The following ZNF469 variants were observed in gnomAD, a reference collection of about 807,000 sequenced individuals.
ZNF469 encodes the protein zinc finger protein 469.
ZNF469 carries 1 observed loss-of-function variant against 1.0 expected under a neutral mutation model. The observed-to-expected ratio is 1.00, with a 90% CI of 0.35 to 4.73. The LOEUF is 4.73. Among genes scored for constraint, ZNF469 ranks in the 30% most tolerant of loss-of-function variants. The pLI, the probability that ZNF469 is intolerant of heterozygous loss-of-function variation, is 0.16. For synonymous variants in ZNF469, 2,703 were observed against 2,363.4 expected, an observed-to-expected ratio of 1.14 and a Z score of -4.17; for missense variants, 6,100 against 5,356.3, an observed-to-expected ratio of 1.14 and a Z score of -4.33.
the ZNF469 span, among the ~76,000 whole-genome samples, chr16:88,348,107 C>T: frequency 6.6e-6 from 1 of 152,372 alleles, no homozygotes; most frequent in South Asian, 2.1e-4. Flanking sequence ...GCTGGCCCAC[C>T]TGCCCCTTCG....
At chr16:88,144,920 G>A in the ZNF469 span, among the ~76,000 whole-genome samples, 1 of 151,502 alleles carries the variant, frequency 6.6e-6, no homozygotes, top group Non-Finnish European at 1.5e-5. Context: ...TGTGATCTCG[G>A]CTCACTGCAA....
chr16:88,220,110 G>A, the ZNF469 span, among the ~76,000 whole-genome samples: 13 of 152,264 alleles, frequency 8.5e-5, no homozygotes, highest in African/African-American at 2.6e-4. Context: ...TTTTCTAGCC[G>A]TTCTCAGTAA....
chr16:88,266,594 G>A, the ZNF469 span, among the ~76,000 whole-genome samples: 62 of 152,366 alleles, frequency 4.1e-4, no homozygotes, highest in South Asian at 2.1e-4. Flanking sequence ...GGTTGGAGAA[G>A]CAGTAGAAGG....
chr16:88,186,440 G>C, the ZNF469 span, among the ~76,000 whole-genome samples: 9 of 152,174 alleles, frequency 5.9e-5, no homozygotes, highest in Admixed American at 5.9e-4. Flanking sequence ...GCGGCCCATC[G>C]TGCGCTGGGG....
Position 88,438,933 on chromosome 16 carries a change from G to T in ZNF469, c.11463G>T (p.Gln3821His). ...GESSTKRKKG[Q>H]VPGPARSESV... is the part of the protein sequence containing the mutation. ...GCAGTACGAAGAGGAAAAAGGGCCA[G>T]GTCCCAGGGCCAGCCAGGAGTGAAA... is the stretch of plus-strand genomic sequence containing the variant. The change falls in exon 3 of 3, where the codon CAG becomes CAT. Residue 3821 changes from glutamine to histidine, a missense_variant. Transcript: ENST00000565624. 4 of 1,550,588 alleles carry T rather than the reference G, an allele frequency of 2.6e-6. No homozygotes were observed. Among genetic ancestry groups the T allele is most frequent in the Non-Finnish European group, 3.5e-6 (4 of 1,146,994 alleles).
In ZNF469 at chr16:88,435,382, C is replaced by G; in HGVS notation, c.7912C>G (p.Leu2638Val). The G allele has an allele frequency of 1.3e-6, 2 of 1,550,394 alleles. No individual in the cohort carries two copies. The highest frequency in any genetic ancestry group is 1.7e-6 in the Non-Finnish European group (2 of 1,146,986). Residue 2638 changes from leucine (L) to valine (V), a missense_variant, in exon 3 of 3, where the codon CTG becomes GTG. Physicochemically the swap from Leu to Val is conservative, Grantham distance 32. Coordinates refer to ENST00000565624, the MANE Select transcript of ZNF469 (RefSeq NM_001367624.2). Reference sequence around the variant, plus strand: ...GAAGTCAAATAAGAAAAGGGGAAAGCTGAGAGGGAGAAGGCTCCGGGAGGA... The same window carrying G: ...GAAGTCAAATAAGAAAAGGGGAAAGGTGAGAGGGAGAAGGCTCCGGGAGGA... ...EGKSNKKRGKLRGRRLREESI... is the reference protein window; with the variant it reads ...EGKSNKKRGKVRGRRLREESI...
the ZNF469 span, among the ~76,000 whole-genome samples, chr16:88,192,720 G>A: frequency 2.0e-5 from 3 of 152,224 alleles, no homozygotes; most frequent in Non-Finnish European, 4.4e-5. Context: ...TAATGGTGGT[G>A]ATGATGGTGT....
At chr16:88,372,062 C>A in the ZNF469 span, among the ~76,000 whole-genome samples, 1 of 4,986 alleles carries the variant, frequency 2.0e-4, no homozygotes, top group African/African-American at 5.7e-4. Context: ...ATGATTACCA[C>A]CATCATCACC....
the ZNF469 span, among the ~76,000 whole-genome samples, chr16:88,354,093 C>G: frequency 6.6e-6 from 1 of 152,202 alleles, no homozygotes; most frequent in African/African-American, 2.4e-5. Flanking sequence ...GGGACAGTTT[C>G]ACAAACAGTG....
At chr16:88,143,522 C>T in the ZNF469 span, among the ~76,000 whole-genome samples, 1 of 152,148 alleles carries the variant, frequency 6.6e-6, no homozygotes, top group African/African-American at 2.4e-5. Flanking sequence ...TCACCCCCAC[C>T]TTCGGGCCTC....
the ZNF469 span, among the ~76,000 whole-genome samples, chr16:88,247,297 ATGAGTGAG>A: frequency 5.9e-3 from 877 of 147,760 alleles, 13 homozygotes; most frequent in African/African-American, 0.021. Flanking sequence ...GAGCGAGTGA[ATGAGTGAG>A]TGAGTGAATG....
At chr16:88,223,397 C>A in the ZNF469 span, among the ~76,000 whole-genome samples, 1 of 152,214 alleles carries the variant, frequency 6.6e-6, no homozygotes, top group Non-Finnish European at 1.5e-5. Context: ...CATTAAACCT[C>A]TTTTTCTTTA....
the ZNF469 span, among the ~76,000 whole-genome samples, chr16:88,305,446 G>C: frequency 9.1e-6 from 1 of 109,778 alleles, no homozygotes; most frequent in Non-Finnish European, 1.8e-5. Context: ...GTGCACACAT[G>C]CTCATAGACA....
chr16:88,116,446 C>A, the ZNF469 span, among the ~76,000 whole-genome samples: 1 of 152,226 alleles, frequency 6.6e-6, no homozygotes, highest in Non-Finnish European at 1.5e-5. Context: ...ACCAGCTTGA[C>A]AGTTTCACCC....
At chr16:88,154,851 G>A in the ZNF469 span, among the ~76,000 whole-genome samples, 1 of 152,126 alleles carries the variant, frequency 6.6e-6, no homozygotes, top group Non-Finnish European at 1.5e-5. Context: ...GGGTCTTCTC[G>A]CTCCAGATCA....
At chr16:88,257,560 G>A in the ZNF469 span, among the ~76,000 whole-genome samples, 919 of 152,172 alleles carry the variant, frequency 6.0e-3, 14 homozygotes, top group South Asian at 0.052. Flanking sequence ...CCTGCCTTTG[G>A]TGCTGGATCT....
chr16:88,345,375 T>A, the ZNF469 span, among the ~76,000 whole-genome samples: 2 of 152,242 alleles, frequency 1.3e-5, no homozygotes, highest in African/African-American at 4.8e-5. Flanking sequence ...TAATTGTACC[T>A]AATTTCAATT....
At chr16:88,345,917 G>A in the ZNF469 span, among the ~76,000 whole-genome samples, 32 of 152,220 alleles carry the variant, frequency 2.1e-4, no homozygotes, top group African/African-American at 5.5e-4. Flanking sequence ...CTCCCTCGTC[G>A]AATATCACTA....
chr16:88,388,190 GAGGGAGCTGTGCCC>G (rs1904388016), intron 1 of ZNF469, among the ~76,000 whole-genome samples: 1 of 152,246 alleles, frequency 6.6e-6, no homozygotes, highest in South Asian at 2.1e-4. Context: ...AGCCCCGGCC[GAGGGAGCTGTGCCC>G]AGGGCTGCTC....
Sources: gnomAD v4.1 joint callset for allele counts (sites outside exome capture counted in the v4.1 genomes callset) on GRCh38, gnomAD v4.1.1 for gene constraint, MANE v1.5 for transcripts, NCBI Gene and HGNC (gene_info 2026-07-23, HGNC 2026-07-21) for gene names.